TET1: variants seen among roughly 807,000 people sequenced by gnomAD.
TET1 encodes methylcytosine dioxygenase TET1.
In TET1, 13 loss-of-function variants were observed where a neutral mutation model predicts 148.7. That is an observed-to-expected ratio of 0.09 (90% CI 0.06 to 0.14). TET1 has a LOEUF of 0.14. Among genes scored for constraint, TET1 ranks in the 10% least tolerant of loss-of-function variants. The pLI, the probability that TET1 is intolerant of heterozygous loss-of-function variation, is 1.00. For synonymous variants in TET1, 907 were observed against 937.2 expected (o/e 0.97, Z 0.59); for missense variants, 2,182 against 2,553.8 (o/e 0.85, Z 3.14).
At chr10:68,665,072 T>A (rs1330643531) in intron 6 of TET1, among the ~76,000 whole-genome samples, 1 of 152,124 alleles carries the variant, frequency 6.6e-6, no homozygotes, top group African/African-American at 2.4e-5. Context: ...GCACCCAGCC[T>A]TTTTTATCTT....
chr10:68,654,057 A>G (rs1024131815), intron 6 of TET1, among the ~76,000 whole-genome samples: 3 of 148,418 alleles, frequency 2.0e-5, no homozygotes, highest in Admixed American at 6.9e-5. Flanking sequence ...TAGTGAGCCA[A>G]GATCGGGCCA....
At chr10:68,561,748 A>AATAT (rs35803297) in intron 1 of TET1, among the ~76,000 whole-genome samples, 18 of 133,498 alleles carry the variant, frequency 1.3e-4, no homozygotes, top group East Asian at 7.3e-4. Context: ...CAGGCTCTTG[A>AATAT]ATATATATAT....
intron 3 of TET1, among the ~76,000 whole-genome samples, chr10:68,619,389 C>A (rs1282715091): frequency 6.6e-6 from 1 of 152,058 alleles, no homozygotes; most frequent in Non-Finnish European, 1.5e-5. Flanking sequence ...ACCACCACAC[C>A]TGGCTTTTTA....
At chr10:68,586,100 C>G (rs1485172879) in intron 2 of TET1, among the ~76,000 whole-genome samples, 2 of 152,048 alleles carry the variant, frequency 1.3e-5, no homozygotes, top group African/African-American at 4.8e-5. Context: ...CCTTGAACCT[C>G]TGGGCTCAAG....
At chr10:68,630,216 T>C (rs2054549583) in intron 3 of TET1, among the ~76,000 whole-genome samples, 2 of 152,104 alleles carry the variant, frequency 1.3e-5, no homozygotes, top group African/African-American at 4.8e-5. Context: ...CATAGGGGTA[T>C]TTTGAGAGGA....
intron 6 of TET1, among the ~76,000 whole-genome samples, chr10:68,659,145 C>A (rs1036145718): frequency 7.9e-5 from 12 of 152,030 alleles, no homozygotes; most frequent in Non-Finnish European, 1.5e-4. Context: ...GAGTATAACT[C>A]TTTGTATACT....
chr10:68,579,970 C>A (rs926184857), intron 2 of TET1, among the ~76,000 whole-genome samples: 5 of 151,594 alleles, frequency 3.3e-5, no homozygotes, highest in African/African-American at 1.2e-4. Flanking sequence ...CTCTTGTTGC[C>A]CAGGCTGGAG....
chr10:68,581,443 A>G (rs1472916265), intron 2 of TET1, among the ~76,000 whole-genome samples: 2 of 152,186 alleles, frequency 1.3e-5, no homozygotes, highest in African/African-American at 2.4e-5. Flanking sequence ...AGATTGTTAC[A>G]AAAAAGGAAC....
At chr10:68,633,003 G>A (rs1473895861) in intron 3 of TET1, among the ~76,000 whole-genome samples, 1 of 152,004 alleles carries the variant, frequency 6.6e-6, no homozygotes, top group African/African-American at 2.4e-5. Context: ...GTCTAACGTG[G>A]TGAAACCCCG....
chr10:68,671,806 A>G (rs1436459642), intron 7 of TET1, among the ~76,000 whole-genome samples: 1 of 152,106 alleles, frequency 6.6e-6, no homozygotes, highest in Non-Finnish European at 1.5e-5. Context: ...TTTGAGATGG[A>G]GTCTTGCTCT....
chr10:68,681,256 T>C (rs1056754510), intron 8 of TET1, 143 bp from the exon 9 acceptor site: 1 of 521,132 alleles, frequency 1.9e-6, no homozygotes, highest in Non-Finnish European at 3.4e-6. Flanking sequence ...AAAGAAGCAG[T>C]GTAATTTTCT....
intron 8 of TET1, among the ~76,000 whole-genome samples, chr10:68,676,834 T>G (rs2055369280): frequency 6.6e-6 from 1 of 152,204 alleles, no homozygotes; most frequent in Non-Finnish European, 1.5e-5. Context: ...TCCTACTTGA[T>G]GGGTTCCAAA....
At chr10:68,664,887 C>G (rs970291188) in intron 6 of TET1, among the ~76,000 whole-genome samples, 3 of 151,796 alleles carry the variant, frequency 2.0e-5, no homozygotes, top group East Asian at 3.9e-4. Flanking sequence ...GGATCCTCCC[C>G]CCTCAGCCTT....
Position 68,617,561 on chromosome 10 carries a change from T to C in TET1, c.1968+16527T>C, listed in dbSNP as rs138130146. 4.1e-3 allele frequency among the ~76,000 whole-genome samples: 622 copies of C among 152,306 alleles called. 6 individuals carry two copies. Among genetic ancestry groups the C allele is most frequent in the African/African-American group, 0.014 (593 of 41,558 alleles). ...TTTTTTGTTTGTTTGTTTGTTTGTTTTGAGAGGGAGTCTCACTCTTGTTGC... is the reference window on the plus strand; with the variant it reads ...TTTTTTGTTTGTTTGTTTGTTTGTTCTGAGAGGGAGTCTCACTCTTGTTGC... On this transcript the variant is annotated intron_variant, in intron 3 of 11. Transcript: ENST00000373644.
intron 8 of TET1, among the ~76,000 whole-genome samples, chr10:68,679,107 G>A (rs1310880268): frequency 6.6e-6 from 1 of 152,146 alleles, no homozygotes; most frequent in African/African-American, 2.4e-5. Context: ...AACCTGGGAG[G>A]TGGAGGATAC....
At chr10:68,586,827 C>G (rs1290840894) in intron 2 of TET1, among the ~76,000 whole-genome samples, 1 of 152,170 alleles carries the variant, frequency 6.6e-6, no homozygotes, top group African/African-American at 2.4e-5. Flanking sequence ...GAGATGATGT[C>G]TGTAAAGCGT....
chr10:68,686,367 A>C lies in TET1; in HGVS notation c.5064A>C (p.Leu1688Phe). Residue 1688 changes from leucine (L) to phenylalanine (F), a missense_variant, in exon 11 of 12, where the codon TTA becomes TTC. By Grantham distance (22) the Leu-to-Phe change is conservative. Coordinates refer to ENST00000373644, the MANE Select transcript of TET1 (RefSeq NM_030625.3). Reference sequence around the variant, plus strand: ...TTTCTCCCTATCAGGTTTGTACCTTAACTCGAGAAGATAACCGCTCTTTGG... The same window carrying C: ...TTTCTCCCTATCAGGTTTGTACCTTCACTCGAGAAGATAACCGCTCTTTGG... ...MNNGSTVVCT[L>F]TREDNRSLGV... is the part of the protein sequence containing the mutation. The C allele has an allele frequency of 6.2e-7, 1 of 1,604,536 alleles. No individual in the cohort carries two copies. Among genetic ancestry groups the C allele is most frequent in the Non-Finnish European group, 8.5e-7 (1 of 1,174,320 alleles).
chr10:68,618,447 C>G (rs1370797219), intron 3 of TET1, among the ~76,000 whole-genome samples: 1 of 152,160 alleles, frequency 6.6e-6, no homozygotes. Context: ...TTCCACAGAG[C>G]TTTATCTTAC....
At chr10:68,632,246 C>T in intron 3 of TET1, 2 of 766,982 alleles carry the variant, frequency 2.6e-6, no homozygotes, top group Non-Finnish European at 4.1e-6. Flanking sequence ...GGCGTGAACC[C>T]GGGAGGCGGA....
Sources: gnomAD v4.1 joint callset for allele counts (sites outside exome capture counted in the v4.1 genomes callset) on GRCh38, gnomAD v4.1.1 for gene constraint, MANE v1.5 for transcripts, NCBI Gene and HGNC (gene_info 2026-07-23, HGNC 2026-07-21) for gene names.